The following INTS9 variants were observed in gnomAD, a reference collection of about 807,000 sequenced individuals.
INTS9 encodes the protein integrator complex subunit 9, also known as protein related to CPSF subunits of 74 kDa.
INTS9 carries 55 observed loss-of-function variants against 79.7 expected under a neutral mutation model. The observed-to-expected ratio is 0.69, with a 90% CI of 0.56 to 0.86. The LOEUF (loss-of-function observed/expected upper bound fraction) is 0.86. INTS9 is among the 40% of genes least tolerant of loss of function. INTS9 has a pLI of 0.00. For missense variants in INTS9, 721 were observed against 831.5 expected, an observed-to-expected ratio of 0.87 and a Z score of 1.64; for synonymous variants, 319 against 325.2, an observed-to-expected ratio of 0.98 and a Z score of 0.20.
At chr8:28,830,115 T>C (rs1305292922) in intron 6 of INTS9, among the ~76,000 whole-genome samples, 1 of 151,900 alleles carries the variant, frequency 6.6e-6, no homozygotes, top group African/African-American at 2.4e-5. Context: ...TGGGAAAAAT[T>C]TCCGTGAACT....
chr8:28,889,253 C>A (rs1386785612), intron 1 of INTS9, among the ~76,000 whole-genome samples: 1 of 152,144 alleles, frequency 6.6e-6, no homozygotes, highest in Non-Finnish European at 1.5e-5. Context: ...ATACCGAGCA[C>A]GCTTCATTCA....
chr8:28,831,165 T>C (rs1414387331), intron 6 of INTS9, among the ~76,000 whole-genome samples: 2 of 152,146 alleles, frequency 1.3e-5, no homozygotes, highest in South Asian at 2.1e-4. Flanking sequence ...TGTAGGGACA[T>C]AGATGGAGCT....
intron 7 of INTS9, among the ~76,000 whole-genome samples, chr8:28,812,726 T>C (rs1298372962): frequency 1.3e-5 from 2 of 152,160 alleles, no homozygotes; most frequent in East Asian, 1.9e-4. Flanking sequence ...TGGTGGCACA[T>C]GCCTGTAGTC....
Position 28,861,235 on chromosome 8 carries a change from A to T in INTS9, c.10-1672T>A, listed in dbSNP as rs1458578857. On this transcript the variant is annotated intron_variant, in intron 1 of 16. Coordinates refer to ENST00000521022, the MANE Select transcript of INTS9 (RefSeq NM_018250.4). ...TTGATAGGTATCAGGATTACAGAAA[A>T]TTTTTTCCTCCTAATTAAGACAGAG... 2.0e-5 allele frequency among the ~76,000 whole-genome samples: 3 copies of T among 152,174 alleles called. 1 individual carries two copies. Among genetic ancestry groups the T allele is most frequent in the East Asian group, 3.9e-4 (2 of 5,174 alleles).
intron 4 of INTS9, among the ~76,000 whole-genome samples, chr8:28,846,039 C>T (rs117757945): frequency 0.016 from 2,413 of 152,284 alleles, 30 homozygotes; most frequent in Admixed American, 0.023. Flanking sequence ...ACAGGCACTG[C>T]GATCCACTGG....
intron 3 of INTS9, 69 bp from the exon 4 acceptor site, chr8:28,846,878 T>C: frequency 8.3e-7 from 1 of 1,202,998 alleles, no homozygotes; most frequent in Non-Finnish European, 1.2e-6. Flanking sequence ...AGAAATAAAC[T>C]CCCCAAACAA....
intron 8 of INTS9, among the ~76,000 whole-genome samples, chr8:28,800,025 A>G (rs2130986617): frequency 6.6e-6 from 1 of 152,244 alleles, no homozygotes; most frequent in African/African-American, 2.4e-5. Flanking sequence ...TCCCTTTAAT[A>G]TGTGCCCTGG....
chr8:28,792,993 A>G (rs548419670), intron 10 of INTS9, among the ~76,000 whole-genome samples: 4 of 152,330 alleles, frequency 2.6e-5, no homozygotes, highest in East Asian at 1.9e-4. Context: ...CAGCGGGGAA[A>G]AAAACGACCA....
intron 5 of INTS9, among the ~76,000 whole-genome samples, chr8:28,837,213 G>A (rs547012300): frequency 2.0e-5 from 3 of 152,136 alleles, no homozygotes; most frequent in South Asian, 2.1e-4. Flanking sequence ...TCTACAAGCT[G>A]TCTCCATTTA....
intron 6 of INTS9, 66 bp from the exon 7 acceptor site, chr8:28,813,678 T>C: frequency 6.4e-7 from 1 of 1,561,120 alleles, no homozygotes; most frequent in Non-Finnish European, 8.8e-7. Context: ...CATTCCTTTC[T>C]AGTAATTTGT....
At chr8:28,850,074 C>A in intron 3 of INTS9, 139 bp downstream of exon 3, 1 of 621,662 alleles carries the variant, frequency 1.6e-6, no homozygotes, top group East Asian at 2.6e-5. Flanking sequence ...TTCTGAAGAC[C>A]CTAGCATAGA....
intron 8 of INTS9, among the ~76,000 whole-genome samples, chr8:28,799,156 C>G (rs532201054): frequency 6.6e-6 from 1 of 152,024 alleles, no homozygotes; most frequent in Non-Finnish European, 1.5e-5. Flanking sequence ...ATTAGCTAGG[C>G]GTGCTGGCGG....
At chr8:28,867,085 G>A (rs887628642) in intron 1 of INTS9, among the ~76,000 whole-genome samples, 10 of 152,062 alleles carry the variant, frequency 6.6e-5, no homozygotes, top group Admixed American at 2.0e-4. Flanking sequence ...TCAGGAGCTG[G>A]AGACCTGCCT....
At chr8:28,803,898 T>G (rs1804660987) in intron 8 of INTS9, among the ~76,000 whole-genome samples, 1 of 152,192 alleles carries the variant, frequency 6.6e-6, no homozygotes, top group South Asian at 2.1e-4. Flanking sequence ...CATGAACTGC[T>G]GGCATGCTCC....
intron 1 of INTS9, among the ~76,000 whole-genome samples, chr8:28,878,398 G>A (rs965652696): frequency 2.0e-5 from 3 of 151,534 alleles, no homozygotes; most frequent in Admixed American, 6.6e-5. Flanking sequence ...CTGTAGCCTC[G>A]ACCTCCTGGG....
chr8:28,889,443 G>T (rs956325262), intron 1 of INTS9, among the ~76,000 whole-genome samples: 7 of 152,196 alleles, frequency 4.6e-5, no homozygotes, highest in African/African-American at 1.7e-4. Flanking sequence ...ACGTTCTGCT[G>T]GATGTTTTTT....
intron 2 of INTS9, among the ~76,000 whole-genome samples, chr8:28,854,532 A>T (rs1808036764): frequency 6.6e-6 from 1 of 152,170 alleles, no homozygotes; most frequent in Non-Finnish European, 1.5e-5. Flanking sequence ...GCCTCATCAC[A>T]AGGTGCAGTG....
chr8:28,855,142 A>T (rs1361674321), intron 2 of INTS9, among the ~76,000 whole-genome samples: 1 of 152,218 alleles, frequency 6.6e-6, no homozygotes, highest in Non-Finnish European at 1.5e-5. Flanking sequence ...TTCCTACATC[A>T]AAACTGTAGT....
intron 6 of INTS9, among the ~76,000 whole-genome samples, chr8:28,817,513 T>C (rs1345786612): frequency 1.3e-5 from 2 of 152,350 alleles, no homozygotes; most frequent in African/African-American, 2.4e-5. Context: ...CATTGATCTA[T>C]ATCTCTGTTT....
Sources: allele counts gnomAD v4.1 joint callset (sites outside exome capture counted in the v4.1 genomes callset), GRCh38; gene constraint gnomAD v4.1.1; transcripts MANE v1.5; gene names NCBI Gene and HGNC (gene_info 2026-07-23, HGNC 2026-07-21).